STAC2: variants seen among roughly 807,000 people sequenced by gnomAD.
STAC2 encodes the protein SH3 and cysteine-rich domain-containing protein 2.
STAC2 carries 36 observed loss-of-function variants against 49.0 expected under a neutral mutation model. The observed-to-expected ratio is 0.74, with a 90% confidence interval of 0.56 to 0.97. The LOEUF (loss-of-function observed/expected upper bound fraction) is 0.97, where lower values mean the gene tolerates loss of function less well. Among genes scored for constraint, STAC2 ranks in the 50% least tolerant of loss-of-function variants. The pLI is 0.00. For missense variants in STAC2, 527 were observed against 543.8 expected (o/e 0.97, Z 0.31); for synonymous variants, 239 against 214.7 (o/e 1.11, Z -0.99).
chr17:39,214,147 G>A, intron 8 of STAC2, 86 bp downstream of exon 8: 2 of 1,462,050 alleles, frequency 1.4e-6, no homozygotes, highest in Non-Finnish European at 1.9e-6. Context: ...CATGCAAGAA[G>A]GTTCCTGAAG....
In STAC2 at chr17:39,212,980, G is replaced by T. The variant is rs767483042; in HGVS notation, c.1131+15C>A. The T allele has an allele frequency of 3.1e-6, 5 of 1,613,104 alleles. No individual in the cohort carries two copies. The African/African-American group carries it at 6.7e-5, about 22-fold the overall frequency. On this transcript the variant is annotated intron_variant, in intron 10 of 10. Coordinates refer to ENST00000333461, the MANE Select transcript of STAC2 (RefSeq NM_198993.5). The stretch of plus-strand genomic sequence containing the variant: ...CCCTCCGCCATAGGGCCTGGGCTGG[G>T]CCTCAGGCACTCACCTGGTTCTCCT...
At chr17:39,217,765 C>T (rs2046418670) in intron 2 of STAC2, 102 bp downstream of exon 2, 2 of 1,216,232 alleles carry the variant, frequency 1.6e-6, no homozygotes, top group Non-Finnish European at 2.3e-6. Context: ...TATTGGGGCT[C>T]CTGAACAGCA....
rs745307177 is a variant in STAC2 at position 39,214,823 on chromosome 17, G to A, written c.811C>T (p.Pro271Ser). Reference protein sequence around the residue: ...VFTAPAESEGPGPEEKSPGQQ... With the variant: ...VFTAPAESEGSGPEEKSPGQQ... ...CCAGGACTCTTCTCCTCTGGTCCTG[G>A]CCCTTCACTCTCTGCTGGGGCTGTG... The change falls in exon 7 of 11, where the codon CCA becomes TCA. Residue 271 changes from proline (P) to serine (S), a missense_variant. Transcript: ENST00000333461. 6.2e-6 allele frequency: 10 copies of A among 1,614,046 alleles called. No individual in the cohort carries two copies. The South Asian group carries it at 9.9e-5, about 16-fold the overall frequency.
intron 1 of STAC2, among the ~76,000 whole-genome samples, chr17:39,220,614 A>G (rs1597736711): frequency 6.6e-6 from 1 of 151,782 alleles, no homozygotes; most frequent in East Asian, 1.9e-4. Flanking sequence ...AGCTGGGACT[A>G]CAGGCTCCTG....
In STAC2 at chr17:39,214,940, C is replaced by G. The variant is rs2046388134; in HGVS notation, c.772+11G>C. On this transcript the variant is annotated intron_variant, in intron 6 of 10. Transcript: ENST00000333461. ...ACCCCATTCCTGCCCTTGATGCCCACCACCACTCACCACTGTCACCAGGCC... is the reference window on the plus strand; with the variant it reads ...ACCCCATTCCTGCCCTTGATGCCCAGCACCACTCACCACTGTCACCAGGCC... 2 of 1,614,102 alleles carry G rather than the reference C, an allele frequency of 1.2e-6. No homozygotes were observed. The highest frequency in any genetic ancestry group is 2.7e-5 in the African/African-American group (2 of 75,020).
In STAC2 at chr17:39,214,283, G is replaced by A. The variant is rs147384523; in HGVS notation, c.891C>T (p.Tyr297=). 7,355 of 1,614,054 alleles carry A rather than the reference G, an allele frequency of 4.6e-3. 17 individuals are homozygous for A. The highest frequency in any genetic ancestry group is 5.7e-3 in the Non-Finnish European group (6,779 of 1,179,956). The change falls in exon 8 of 11, where the codon TAC becomes TAT. Residue 297 remains tyrosine, a synonymous_variant. Coordinates refer to ENST00000333461, the MANE Select transcript of STAC2 (RefSeq NM_198993.5). ...LRKDVGPMYS[Y]VALYKFLPQE... ...GGGGCAGAAACTTGTAGAGTGCAAC[G>A]TAGGAGTACATGGGCCCCACATCCT...
At chr17:39,219,455 C>T (rs2046440755) in intron 1 of STAC2, among the ~76,000 whole-genome samples, 1 of 152,202 alleles carries the variant, frequency 6.6e-6, no homozygotes, top group South Asian at 2.1e-4. Context: ...GTGTCCACTG[C>T]ATCCAGCCCA....
intron 1 of STAC2, among the ~76,000 whole-genome samples, chr17:39,220,207 G>T (rs1359758980): frequency 6.6e-6 from 1 of 152,200 alleles, no homozygotes; most frequent in Non-Finnish European, 1.5e-5. Context: ...TAGGTAGAAG[G>T]CTGGAGAGAC....
chr17:39,219,219 C>T (rs1404285176), intron 1 of STAC2, among the ~76,000 whole-genome samples: 1 of 150,782 alleles, frequency 6.6e-6, no homozygotes, highest in Non-Finnish European at 1.5e-5. Flanking sequence ...CCAACCTGTG[C>T]CTTTGCAGCC....
chr17:39,224,328 G>A (rs572598263), intron 1 of STAC2, among the ~76,000 whole-genome samples: 1 of 152,366 alleles, frequency 6.6e-6, no homozygotes, highest in Admixed American at 6.5e-5. Flanking sequence ...GGTGAAGGGG[G>A]AGGGAGGAGG....
Position 39,215,161 on chromosome 17 carries a change from C to G in STAC2, c.656G>C (p.Arg219Pro). ...CTCAGAGGTGCTGCTGAAACTGGAGCGGTTCATCAGTGCCAGGGAGGTGCC... is the reference window on the plus strand; with the variant it reads ...CTCAGAGGTGCTGCTGAAACTGGAGGGGTTCATCAGTGCCAGGGAGGTGCC... ...RYGTSLALMNRSSFSSTSESP... is the reference protein window; with the variant it reads ...RYGTSLALMNPSSFSSTSESP... The change falls in exon 5 of 11, where the codon CGC becomes CCC. Residue 219 changes from arginine (R) to proline (P), a missense_variant. By Grantham distance (103) the Arg-to-Pro change is moderately radical. Coordinates refer to ENST00000333461, the MANE Select transcript of STAC2 (RefSeq NM_198993.5). 6.2e-7 allele frequency: 1 copy of G among 1,614,032 alleles called. No homozygotes were observed. Among genetic ancestry groups the G allele is most frequent in the East Asian group, 2.2e-5 (1 of 44,876 alleles).
intron 4 of STAC2, 29 bp downstream of exon 4, chr17:39,216,781 C>A (rs370771715): frequency 1.1e-4 from 172 of 1,553,982 alleles, no homozygotes; most frequent in Non-Finnish European, 1.4e-4. Context: ...ACAATGGGAG[C>A]AGGGACTGCG....
chr17:39,216,859 C>T lies in STAC2; in HGVS notation c.537G>A (p.Val179=). ...TGGCACAGACTGGTGGCGGCTCATG[C>T]ACCAGGAGAGGGGAACTGAAGTTGC... ...FRRNFSSPLL[V]HEPPPVCATS... is the part of the protein sequence containing the mutation. The change falls in exon 4 of 11, where the codon GTG becomes GTA. Residue 179 remains valine, a synonymous_variant. Transcript: ENST00000333461. The T allele has an allele frequency of 6.2e-7, 1 of 1,604,316 alleles. No individual in the cohort carries two copies. Among genetic ancestry groups the T allele is most frequent in the Non-Finnish European group, 8.5e-7 (1 of 1,175,646 alleles).
intron 2 of STAC2, 34 bp from the exon 3 acceptor site, chr17:39,217,207 C>A (rs751702405): frequency 1.4e-5 from 23 of 1,599,768 alleles, no homozygotes; most frequent in Middle Eastern, 1.7e-4. Context: ...ATTGAGGACA[C>A]CCCCGTGGGC....
At chr17:39,217,754 G>T in intron 2 of STAC2, 113 bp downstream of exon 2, 1 of 1,070,994 alleles carries the variant, frequency 9.3e-7, no homozygotes, top group Non-Finnish European at 1.3e-6. Context: ...GGCACAATTA[G>T]TATTGGGGCT....
In STAC2 at chr17:39,214,845, T is replaced by C. The variant is rs372850815; in HGVS notation, c.789A>G (p.Thr263=). 1.2e-4 allele frequency: 197 copies of C among 1,613,972 alleles called. No individual in the cohort carries two copies. The highest frequency in any genetic ancestry group is 1.6e-4 in the Non-Finnish European group (186 of 1,179,980). The change falls in exon 7 of 11, where the codon ACA becomes ACG. Residue 263 remains threonine (T), a synonymous_variant. Coordinates refer to ENST00000333461, the MANE Select transcript of STAC2 (RefSeq NM_198993.5). ...GPGDSASPVF[T]APAESEGPGP... The stretch of plus-strand genomic sequence containing the variant: ...CTGGCCCTTCACTCTCTGCTGGGGC[T>C]GTGAATACTGGAGATGCTAGGGGCA...
At chr17:39,216,775 T>C in intron 4 of STAC2, 35 bp downstream of exon 4, 1 of 1,540,724 alleles carries the variant, frequency 6.5e-7, no homozygotes, top group East Asian at 2.4e-5. Flanking sequence ...CCCACCACAA[T>C]GGGAGCAGGG....
chr17:39,224,470 T>C (rs762471985), intron 1 of STAC2, among the ~76,000 whole-genome samples: 3 of 151,966 alleles, frequency 2.0e-5, no homozygotes, highest in Non-Finnish European at 2.9e-5. Context: ...ACCTAGAACT[T>C]GGGAAGGGAG....
intron 3 of STAC2, 48 bp downstream of exon 3, chr17:39,217,028 A>T (rs768102961): frequency 1.2e-6 from 2 of 1,610,294 alleles, no homozygotes; most frequent in Non-Finnish European, 1.7e-6. Flanking sequence ...CCCATGTGAC[A>T]GTACTGGCAG....
Sources: allele counts gnomAD v4.1 joint callset (sites outside exome capture counted in the v4.1 genomes callset), GRCh38; gene constraint gnomAD v4.1.1; transcripts MANE v1.5; gene names NCBI Gene and HGNC (gene_info 2026-07-23, HGNC 2026-07-21).